Variants in OSBPL6 observed in about 807,000 individuals in gnomAD.
The protein encoded by OSBPL6 is oxysterol-binding protein-related protein 6.
Under a neutral mutation model 125.8 loss-of-function variants are expected in OSBPL6, and 49 were observed. The observed-to-expected ratio is 0.39, with a 90% CI of 0.31 to 0.49. The LOEUF is 0.49. OSBPL6 is among the 20% of genes least tolerant of loss of function. The probability of loss-of-function intolerance (pLI) is 0.88; values close to 1 mark genes in which losing one functional copy is unlikely to be tolerated. For synonymous variants in OSBPL6, 394 were observed against 391.8 expected (o/e 1.01, Z -0.07); for missense variants, 986 against 1,135.4 (o/e 0.87, Z 1.89).
At chr2:178,355,462 C>A (rs1354511978) in intron 12 of OSBPL6, among the ~76,000 whole-genome samples, 5 of 152,216 alleles carry the variant, frequency 3.3e-5, no homozygotes, top group Non-Finnish European at 7.3e-5. Context: ...ATAAACACTT[C>A]TACGCAAATA....
intron 1 of OSBPL6, among the ~76,000 whole-genome samples, chr2:178,197,644 C>G (rs2088982239): frequency 6.6e-6 from 1 of 152,040 alleles, no homozygotes; most frequent in African/African-American, 2.4e-5. Flanking sequence ...ATTATTAACA[C>G]TATACTGTAA....
chr2:178,199,440 G>A (rs1001477316), intron 1 of OSBPL6, among the ~76,000 whole-genome samples: 1 of 152,132 alleles, frequency 6.6e-6, no homozygotes, highest in Non-Finnish European at 1.5e-5. Context: ...GGTCTTTCTA[G>A]AAGGCCGACT....
At chr2:178,289,140 C>T (rs1459617395) in intron 2 of OSBPL6, among the ~76,000 whole-genome samples, 1 of 150,782 alleles carries the variant, frequency 6.6e-6, no homozygotes, top group East Asian at 2.0e-4. Context: ...GGCTCACCCT[C>T]CCGAGTAGCT....
chr2:178,207,299 C>T (rs972705313), intron 1 of OSBPL6, among the ~76,000 whole-genome samples: 1 of 152,144 alleles, frequency 6.6e-6, no homozygotes, highest in Non-Finnish European at 1.5e-5. Context: ...ATTTTACATC[C>T]CTTTTCCTCT....
At chr2:178,291,146 T>C (rs1237098470) in intron 2 of OSBPL6, among the ~76,000 whole-genome samples, 1 of 152,058 alleles carries the variant, frequency 6.6e-6, no homozygotes, top group Non-Finnish European at 1.5e-5. Context: ...TTATTTTTAG[T>C]CATTCAAAAT....
chr2:178,308,090 G>C (rs1190783107), intron 3 of OSBPL6, among the ~76,000 whole-genome samples: 1 of 152,138 alleles, frequency 6.6e-6, no homozygotes, highest in South Asian at 2.1e-4. Flanking sequence ...TATTCTTTAA[G>C]GAGAGAGTTT....
At position 178,372,136 on chromosome 2, in the gene OSBPL6, A is replaced by G; in HGVS notation, c.1298A>G (p.Gln433Arg). 6.2e-7 allele frequency: 1 copy of G among 1,611,458 alleles called. No homozygotes were observed. Among genetic ancestry groups the G allele is most frequent in the Non-Finnish European group, 8.5e-7 (1 of 1,178,790 alleles). Residue 433 changes from glutamine (Q) to arginine (R), a missense_variant, in exon 14 of 25, where the codon CAG (glutamine) becomes CGG (arginine). Transcript: ENST00000190611. ...LRQSLSQALN[Q>R]NAELRSRLNR... ...TTTTGTTATTTTAAGGCACTCAACC[A>G]GAATGCTGAACTAAGGAGTCGGTTG...
At chr2:178,389,380 CAT>C (rs141819690) in intron 21 of OSBPL6, among the ~76,000 whole-genome samples, 5,233 of 152,250 alleles carry the variant, frequency 0.034, 125 homozygotes, top group East Asian at 0.13. Flanking sequence ...AAAAAAAACA[CAT>C]GTCTTTTTAA....
intron 2 of OSBPL6, among the ~76,000 whole-genome samples, chr2:178,304,006 G>A (rs1477042939): frequency 2.0e-5 from 3 of 152,148 alleles, no homozygotes; most frequent in Non-Finnish European, 4.4e-5. Context: ...GTCCACTTGT[G>A]CTTCTATAAC....
At chr2:178,360,967 G>C (rs2154098221) in intron 12 of OSBPL6, among the ~76,000 whole-genome samples, 1 of 152,304 alleles carries the variant, frequency 6.6e-6, no homozygotes, top group East Asian at 1.9e-4. Flanking sequence ...TATAAAAATA[G>C]ATGTTGGAAA....
intron 1 of OSBPL6, among the ~76,000 whole-genome samples, chr2:178,253,972 A>C (rs922762906): frequency 7.2e-5 from 11 of 152,210 alleles, no homozygotes; most frequent in African/African-American, 2.7e-4. Flanking sequence ...GAGGAAGCAC[A>C]TGCAGCTCCC....
chr2:178,286,972 C>CA (rs56697828), intron 2 of OSBPL6, among the ~76,000 whole-genome samples: 142,494 of 152,146 alleles, frequency 0.94, 66,909 homozygotes, highest in East Asian at 0.97. Flanking sequence ...GAAATTCATG[C>CA]GTAATGTTTC....
Position 178,283,575 on chromosome 2 carries a change from CTCTTA to C in OSBPL6, c.-350-1345_-350-1341del, listed in dbSNP as rs534705546. ...TCTTTGGATTACTTGTCACATTTTT[CTCTTA>C]TCTTATGATGAATTTATTCTCTTGT... On this transcript the variant is annotated intron_variant, in intron 1 of 24. Transcript: ENST00000190611. 4.8e-3 allele frequency among the ~76,000 whole-genome samples: 715 copies of C among 148,998 alleles called. 5 individuals carry two copies. The highest frequency in any genetic ancestry group is 6.3e-3 in the Non-Finnish European group (423 of 67,346).
chr2:178,285,613 CTT>C (rs1350430716), intron 2 of OSBPL6, among the ~76,000 whole-genome samples: 1 of 152,176 alleles, frequency 6.6e-6, no homozygotes, highest in East Asian at 1.9e-4. Flanking sequence ...ACTAGCAATA[CTT>C]TTTGTGGTAT....
intron 1 of OSBPL6, among the ~76,000 whole-genome samples, chr2:178,232,190 G>T (rs911815743): frequency 3.3e-5 from 5 of 151,958 alleles, no homozygotes; most frequent in Admixed American, 3.3e-4. Context: ...CTAGAATCTG[G>T]TCTAAGATAA....
chr2:178,334,931 A>G (rs1689545525), intron 8 of OSBPL6, among the ~76,000 whole-genome samples: 1 of 152,168 alleles, frequency 6.6e-6, no homozygotes, highest in African/African-American at 2.4e-5. Context: ...CAGTTCTGAA[A>G]TAAAAAAGGG....
At chr2:178,256,076 T>G (rs548036412) in intron 1 of OSBPL6, among the ~76,000 whole-genome samples, 60 of 152,260 alleles carry the variant, frequency 3.9e-4, no homozygotes, top group Admixed American at 3.7e-3. Flanking sequence ...GTGGACCACA[T>G]GGATGATCAA....
intron 3 of OSBPL6, among the ~76,000 whole-genome samples, chr2:178,308,940 C>T (rs1025727542): frequency 6.6e-6 from 1 of 152,134 alleles, no homozygotes; most frequent in African/African-American, 2.4e-5. Flanking sequence ...CCATCAGACT[C>T]ATTGTTACCT....
rs769425453 is a variant in OSBPL6 at position 178,401,596 on chromosome 2, G to T, written c.*6037G>T. 6.6e-6 allele frequency: 1 copy of T among 152,212 alleles called. No homozygotes were observed. The highest frequency in any genetic ancestry group is 1.5e-5 in the Non-Finnish European group (1 of 68,040). 9.4% of individuals were successfully genotyped at this position (152,212 alleles called of 1,614,324 possible). On this transcript the variant is annotated 3_prime_UTR_variant, in exon 25 of 25. Transcript: ENST00000190611. ...GCTAATGAAGAAACAAGGCAAGAAT[G>T]AATACAAGAGAAATGGAATCTGGGG...
Sources: allele counts gnomAD v4.1 joint callset (sites outside exome capture counted in the v4.1 genomes callset), GRCh38; gene constraint gnomAD v4.1.1; transcripts MANE v1.5; gene names NCBI Gene and HGNC (gene_info 2026-07-23, HGNC 2026-07-21).